The following ZMAT1 variants were observed in gnomAD, a reference collection of about 807,000 sequenced individuals.
The protein encoded by ZMAT1 is zinc finger matrin-type protein 1.
Under a neutral mutation model 18.5 loss-of-function variants are expected in ZMAT1, and 11 were observed. That is an observed-to-expected ratio of 0.59 (90% CI 0.37 to 0.98). ZMAT1 has a LOEUF of 0.98. Among genes scored for constraint, ZMAT1 ranks in the 50% least tolerant of loss-of-function variants. The probability of loss-of-function intolerance (pLI) is 0.01; values close to 1 mark genes in which losing one functional copy is unlikely to be tolerated. For missense variants in ZMAT1, 525 were observed against 496.2 expected (o/e 1.06, Z -0.55); for synonymous variants, 211 against 176.4 (o/e 1.20, Z -1.55).
rs1926568118 is a variant in ZMAT1 at position 101,882,772 on chromosome X, G to A, written c.*738C>T. The A allele has an allele frequency of 9.0e-6, 1 of 110,561 alleles. No individual in the cohort carries two copies. Among genetic ancestry groups the A allele is most frequent in the African/African-American group, 3.3e-5 (1 of 30,513 alleles). The allele number at this position is 110,561 out of a possible 1,213,427, so 9.1% of individuals were successfully genotyped here. On this transcript the variant is annotated 3_prime_UTR_variant, in exon 6 of 6. Coordinates refer to ENST00000651725, the MANE Select transcript of ZMAT1 (RefSeq NM_001394560.1). ...AAGAAAATGAAGGAAAGTAACTTGA[G>A]GAAAAGGCATACTGAATACTTTTAC...
intron 4 of ZMAT1, among the ~76,000 whole-genome samples, chrX:101,894,072 G>A (rs1289942911): frequency 1.8e-5 from 2 of 111,710 alleles, no homozygotes; most frequent in South Asian, 3.7e-4. Context: ...ACACTCTAGT[G>A]GTTAAATTGG....
intron 1 of ZMAT1, chrX:101,911,414 A>G: frequency 2.4e-6 from 1 of 418,716 alleles, no homozygotes; most frequent in Admixed American, 4.5e-5. Flanking sequence ...AGGTGTATAA[A>G]CTACTCTTAT....
intron 5 of ZMAT1, among the ~76,000 whole-genome samples, 155 bp from the exon 6 acceptor site, chrX:101,884,976 G>A (rs1926826328): frequency 9.0e-6 from 1 of 111,485 alleles, no homozygotes; most frequent in East Asian, 2.8e-4. Context: ...TATAAATTGT[G>A]AATTTTTATG....
intron 1 of ZMAT1, among the ~76,000 whole-genome samples, chrX:101,926,590 C>A (rs1363018294): frequency 2.7e-5 from 3 of 112,138 alleles, no homozygotes; most frequent in African/African-American, 9.7e-5. Context: ...CATGCAGGAT[C>A]TCTGAGGAAA....
intron 1 of ZMAT1, among the ~76,000 whole-genome samples, chrX:101,912,588 G>A (rs1384667683): frequency 8.9e-6 from 1 of 111,813 alleles, no homozygotes; most frequent in African/African-American, 3.3e-5. Flanking sequence ...ATTCCCAAAT[G>A]ACAATATGGC....
intron 2 of ZMAT1, 27 bp from the exon 3 acceptor site, chrX:101,898,247 T>C (rs974572009): frequency 1.7e-6 from 2 of 1,152,805 alleles, no homozygotes; most frequent in Non-Finnish European, 1.2e-6. Context: ...TATGACTTTG[T>C]TTATTCAATA....
intron 1 of ZMAT1, among the ~76,000 whole-genome samples, chrX:101,927,124 C>T (rs2147687066): frequency 8.9e-6 from 1 of 112,131 alleles, no homozygotes; most frequent in Non-Finnish European, 1.9e-5. Context: ...CTTTTAAACT[C>T]CCTCAAGCAT....
At chrX:101,899,604 A>T (rs1434283136) in intron 2 of ZMAT1, among the ~76,000 whole-genome samples, 2 of 112,090 alleles carry the variant, frequency 1.8e-5, no homozygotes, top group South Asian at 7.3e-4. Flanking sequence ...ATGGTCTCCA[A>T]TCTCATCCAG....
chrX:101,925,276 T>C (rs983723847), intron 1 of ZMAT1, among the ~76,000 whole-genome samples: 15 of 112,349 alleles, frequency 1.3e-4, no homozygotes, highest in Non-Finnish European at 2.8e-4. Flanking sequence ...AGTAATGTAT[T>C]TGATTACATT....
chrX:101,925,917 T>A (rs766926162), intron 1 of ZMAT1, among the ~76,000 whole-genome samples: 3 of 112,246 alleles, frequency 2.7e-5, no homozygotes, highest in East Asian at 5.6e-4. Flanking sequence ...CATTCCATAG[T>A]TGTGACAACC....
At chrX:101,925,244 G>C (rs1021141276) in intron 1 of ZMAT1, among the ~76,000 whole-genome samples, 1 of 111,733 alleles carries the variant, frequency 8.9e-6, no homozygotes, top group Non-Finnish European at 1.9e-5. Flanking sequence ...AATGGGATCT[G>C]ATCAGAGAGC....
chrX:101,907,200 G>A (rs1928673546), intron 1 of ZMAT1, among the ~76,000 whole-genome samples: 1 of 111,763 alleles, frequency 8.9e-6, no homozygotes, highest in Admixed American at 9.4e-5. Flanking sequence ...CCAGCACCAG[G>A]TGAGCCCCTG....
intron 4 of ZMAT1, chrX:101,890,252 G>T (rs1408030180): frequency 8.9e-6 from 1 of 111,961 alleles, no homozygotes; most frequent in Non-Finnish European, 1.9e-5. Context: ...GAAGGATACT[G>T]CAGAATAAAA....
intron 1 of ZMAT1, chrX:101,911,562 G>C: frequency 8.8e-7 from 1 of 1,135,167 alleles, no homozygotes; most frequent in Non-Finnish European, 1.2e-6. Context: ...TCCACACAGG[G>C]GAGAAGCCCT....
chrX:101,897,491 A>T (rs975740704), intron 4 of ZMAT1, among the ~76,000 whole-genome samples: 1 of 108,475 alleles, frequency 9.2e-6, no homozygotes, highest in African/African-American at 3.4e-5. Context: ...AAGTATAATA[A>T]TAAAAAAAAG....
At chrX:101,886,551 G>T in intron 5 of ZMAT1, 81 bp downstream of exon 5, 1 of 682,445 alleles carries the variant, frequency 1.5e-6, no homozygotes, top group Non-Finnish European at 2.2e-6. Context: ...TGCCTAAGAA[G>T]TTTGTAAAAT....
chrX:101,904,296 A>C lies in ZMAT1; in HGVS notation c.327T>G (p.Leu109=), dbSNP rs761864335. ...AIWNEQEKAE[L]FTDKFCQVCG... ...ATACTTGACAAAACTTATCTGTAAA[A>C]AGTTCAGCCTTTTCCTGTTCATTCC... is the stretch of plus-strand genomic sequence containing the variant. Residue 109 remains leucine (L), a synonymous_variant, in exon 2 of 6, where the codon CTT becomes CTG. Coordinates refer to ENST00000651725, the MANE Select transcript of ZMAT1 (RefSeq NM_001394560.1). 9 of 1,207,878 alleles carry C rather than the reference A, an allele frequency of 7.5e-6. No homozygotes were observed. The South Asian group carries it at 1.1e-4, about 14-fold the overall frequency.
At position 101,897,945 on chromosome X, in the gene ZMAT1, T is replaced by C; in HGVS notation, c.599A>G (p.Lys200Arg). ...TTGCTTCAGTTTTTTAGCATGGACC[T>C]TTCCCACATAGTGAGACTGAGCAAT... ...PLIAQSHYVG[K>R]VHAKKLKQLM... The change falls in exon 4 of 6, where the codon AAG becomes AGG. Residue 200 changes from lysine (K) to arginine (R), a missense_variant. By Grantham distance (26) the Lys-to-Arg change is conservative. Coordinates refer to ENST00000651725, the MANE Select transcript of ZMAT1 (RefSeq NM_001394560.1). 4.1e-6 allele frequency: 5 copies of C among 1,211,516 alleles called. No homozygotes were observed. The highest frequency in any genetic ancestry group is 5.6e-6 in the Non-Finnish European group (5 of 895,163).
intron 1 of ZMAT1, among the ~76,000 whole-genome samples, chrX:101,921,225 T>C (rs1477239414): frequency 1.8e-5 from 2 of 111,427 alleles, no homozygotes; most frequent in African/African-American, 3.3e-5. Context: ...AATTAAAACA[T>C]ACCAGTGCCC....
Sources: gnomAD v4.1 joint callset for allele counts (sites outside exome capture counted in the v4.1 genomes callset) on GRCh38, gnomAD v4.1.1 for gene constraint, MANE v1.5 for transcripts, NCBI Gene and HGNC (gene_info 2026-07-23, HGNC 2026-07-21) for gene names.